MINDY4B: variants seen among roughly 807,000 people sequenced by gnomAD.
MINDY4B encodes the protein inactive ubiquitin carboxyl-terminal hydrolase MINDY-4B.
Under a neutral mutation model 16.7 loss-of-function variants are expected in MINDY4B, and 25 were observed. The observed-to-expected ratio is 1.49, with a 90% confidence interval of 1.09 to 2.09. The LOEUF (loss-of-function observed/expected upper bound fraction) is 2.09, where lower values mean the gene tolerates loss of function less well. MINDY4B is among the 30% of genes most tolerant of loss of function. MINDY4B has a pLI of 0.00. For synonymous variants in MINDY4B, 132 were observed against 61.9 expected, an observed-to-expected ratio of 2.13 and a Z score of -5.32; for missense variants, 327 against 168.4, an observed-to-expected ratio of 1.94 and a Z score of -5.21.
intron 8 of MINDY4B, among the ~76,000 whole-genome samples, chr3:150,884,467 G>GGGT (rs1481516994): frequency 6.6e-6 from 1 of 152,182 alleles, no homozygotes; most frequent in Non-Finnish European, 1.5e-5. Flanking sequence ...GCTTCTCAAA[G>GGGT]GGTGGTATGA....
intron 3 of MINDY4B, among the ~76,000 whole-genome samples, chr3:150,895,933 C>G (rs1711949567): frequency 6.6e-6 from 1 of 152,088 alleles, no homozygotes; most frequent in South Asian, 2.1e-4. Flanking sequence ...CTATTATTCC[C>G]CCAAATATGT....
intron 10 of MINDY4B, among the ~76,000 whole-genome samples, chr3:150,878,453 A>G (rs1337202077): frequency 6.6e-6 from 1 of 152,232 alleles, no homozygotes; most frequent in Non-Finnish European, 1.5e-5. Context: ...CTTCAAATGC[A>G]TGACAGAGAC....
intron 3 of MINDY4B, among the ~76,000 whole-genome samples, chr3:150,896,467 C>T (rs542957956): frequency 3.3e-5 from 5 of 152,184 alleles, no homozygotes; most frequent in African/African-American, 9.6e-5. Context: ...CTTGTTTTGC[C>T]ATATTACCAG....
intron 7 of MINDY4B, among the ~76,000 whole-genome samples, chr3:150,889,106 A>T (rs1415075235): frequency 6.6e-6 from 1 of 152,234 alleles, no homozygotes; most frequent in Non-Finnish European, 1.5e-5. Context: ...TACTAGGCTC[A>T]TATTGCTGCT....
chr3:150,895,685 G>C (rs1711940556), intron 3 of MINDY4B, among the ~76,000 whole-genome samples: 1 of 152,132 alleles, frequency 6.6e-6, no homozygotes, highest in African/African-American at 2.4e-5. Context: ...GCCTGTTCTT[G>C]AACTACTGAC....
At chr3:150,901,819 C>T (rs1370959357) in intron 3 of MINDY4B, among the ~76,000 whole-genome samples, 1 of 152,110 alleles carries the variant, frequency 6.6e-6, no homozygotes, top group Non-Finnish European at 1.5e-5. Context: ...CCATGCCCGG[C>T]CAAGGCAGAT....
rs1297278028 is a variant in MINDY4B at position 150,873,278 on chromosome 3, C to T, written c.1149G>A (p.Gln383=). The T allele has an allele frequency of 1.4e-6, 1 of 702,994 alleles. No individual in the cohort carries two copies. Among genetic ancestry groups the T allele is most frequent in the Non-Finnish European group, 2.6e-6 (1 of 384,876 alleles). 43.5% of individuals were successfully genotyped at this position (702,994 alleles called of 1,614,324 possible). ...GTTCCATTTTCCAGTCTGATAAGAG[C>T]TGCCTGTTTGTGCAAAAAAGGATGC... ...NYSILFCTNR[Q]LLSDWKMERL... The change falls in exon 11 of 12, where the codon CAG becomes CAA. Residue 383 remains glutamine (Q), a synonymous_variant. Coordinates refer to ENST00000465419, the MANE Select transcript of MINDY4B (RefSeq NM_001351281.2).
At chr3:150,887,147 G>A (rs747234920) in intron 7 of MINDY4B, among the ~76,000 whole-genome samples, 10 of 152,230 alleles carry the variant, frequency 6.6e-5, no homozygotes, top group East Asian at 1.9e-4. Flanking sequence ...TAAGGGTTAC[G>A]AAACACAGGC....
chr3:150,881,503 T>G (rs1187595056), intron 10 of MINDY4B, among the ~76,000 whole-genome samples: 1 of 147,364 alleles, frequency 6.8e-6, no homozygotes, highest in Non-Finnish European at 1.5e-5. Context: ...CTGGGCACAG[T>G]GCCTCACACA....
intron 10 of MINDY4B, among the ~76,000 whole-genome samples, chr3:150,882,616 A>T (rs953504651): frequency 2.6e-5 from 4 of 151,298 alleles, no homozygotes; most frequent in Admixed American, 6.6e-5. Flanking sequence ...TTAAACAGGG[A>T]TATCTGTATA....
At chr3:150,888,002 G>A (rs1167034138) in intron 7 of MINDY4B, among the ~76,000 whole-genome samples, 1 of 151,672 alleles carries the variant, frequency 6.6e-6, no homozygotes, top group Admixed American at 6.6e-5. Context: ...CAGCTACTCG[G>A]AGGCTGAGGC....
intron 10 of MINDY4B, among the ~76,000 whole-genome samples, chr3:150,881,641 T>C (rs1227746963): frequency 7.0e-6 from 1 of 142,452 alleles, no homozygotes; most frequent in East Asian, 2.0e-4. Context: ...AAAGACACAT[T>C]GATATGAGAA....
At chr3:150,890,856 A>T (rs1199214913) in intron 6 of MINDY4B, 82 bp downstream of exon 6, 4 of 663,076 alleles carry the variant, frequency 6.0e-6, no homozygotes, top group Non-Finnish European at 1.1e-5. Context: ...ATGGGGCCCC[A>T]CCTGCATACA....
At chr3:150,875,367 A>G (rs2107895011) in intron 10 of MINDY4B, among the ~76,000 whole-genome samples, 1 of 152,346 alleles carries the variant, frequency 6.6e-6, no homozygotes, top group Non-Finnish European at 1.5e-5. Flanking sequence ...TAGGAGATTG[A>G]GAGCTGTTTG....
At position 150,870,912 on chromosome 3, in the gene MINDY4B, A is replaced by T; in HGVS notation, c.*133T>A. The T allele has an allele frequency of 1.8e-6, 1 of 565,746 alleles. No individual in the cohort carries two copies. The highest frequency in any genetic ancestry group is 2.9e-5 in the East Asian group (1 of 34,960). The allele number at this position is 565,746 out of a possible 1,614,324, so 35.0% of individuals were successfully genotyped here. On this transcript the variant is annotated 3_prime_UTR_variant, in exon 12 of 12. Coordinates refer to ENST00000465419, the MANE Select transcript of MINDY4B (RefSeq NM_001351281.2). ...AGACTTAAAAAATGAAAAAACTGCT[A>T]ATGGTATATATATATATTTTTTGGT... is the stretch of plus-strand genomic sequence containing the variant.
chr3:150,893,698 G>T (rs9681173), intron 4 of MINDY4B, among the ~76,000 whole-genome samples: 8,804 of 52,306 alleles, frequency 0.17, 1,017 homozygotes, highest in African/African-American at 0.38. Context: ...TTTTTTTTTG[G>T]GGGGGGGGGT....
In MINDY4B at chr3:150,897,321, CTGTGTGTGTGTG is replaced by C. The variant is rs3062408; in HGVS notation, c.310-3028_310-3017del. 4.1e-4 allele frequency among the ~76,000 whole-genome samples: 54 copies of C among 130,598 alleles called. 2 individuals carry two copies. The highest frequency in any genetic ancestry group is 3.8e-3 in the South Asian group (14 of 3,668). 85.7% of individuals were successfully genotyped at this position (130,598 alleles called of 152,430 possible). ...GAGTAAGTGTTCAATGTGACTGGAA[CTGTGTGTGTGTG>C]TGTGTGTGTGTGTGTGTGTGTGTGT... On this transcript the variant is annotated intron_variant, in intron 3 of 11. Transcript: ENST00000465419.
chr3:150,881,871 C>T (rs546449819), intron 10 of MINDY4B, among the ~76,000 whole-genome samples: 1 of 152,202 alleles, frequency 6.6e-6, no homozygotes, highest in East Asian at 1.9e-4. Flanking sequence ...TGGCATCAGA[C>T]ATATGTATGT....
chr3:150,902,665 C>T (rs1011195834), intron 3 of MINDY4B, among the ~76,000 whole-genome samples: 1 of 152,204 alleles, frequency 6.6e-6, no homozygotes, highest in Non-Finnish European at 1.5e-5. Flanking sequence ...CTTGCCCCCA[C>T]CCTGGTGAAG....
Sources: allele counts gnomAD v4.1 joint callset (sites outside exome capture counted in the v4.1 genomes callset), GRCh38; gene constraint gnomAD v4.1.1; transcripts MANE v1.5; gene names NCBI Gene and HGNC (gene_info 2026-07-23, HGNC 2026-07-21).